The following TEAD1 variants were observed in gnomAD, a reference collection of about 807,000 sequenced individuals.
TEAD1 encodes TEA domain transcription factor 1.
TEAD1 carries 9 observed loss-of-function variants against 54.9 expected under a neutral mutation model. The observed-to-expected ratio is 0.16, with a 90% CI of 0.10 to 0.29. The LOEUF is 0.29. TEAD1 is among the 10% of genes least tolerant of loss of function. The pLI, the probability that TEAD1 is intolerant of heterozygous loss-of-function variation, is 1.00. For missense variants in TEAD1, 387 were observed against 535.9 expected (o/e 0.72, Z 2.74); for synonymous variants, 200 against 187.8 (o/e 1.07, Z -0.53).
chr11:12,743,758 T>A (rs1944691718), intron 2 of TEAD1, among the ~76,000 whole-genome samples: 2 of 152,196 alleles, frequency 1.3e-5, no homozygotes, highest in South Asian at 4.1e-4. Context: ...AGGTTACCCA[T>A]GAACGGGGTG....
intron 3 of TEAD1, among the ~76,000 whole-genome samples, chr11:12,837,257 C>G (rs1946911774): frequency 6.6e-6 from 1 of 151,830 alleles, no homozygotes; most frequent in South Asian, 2.1e-4. Context: ...CCCTCATACT[C>G]TTTGGCTGTG....
chr11:12,682,549 T>A (rs543148651), intron 2 of TEAD1, among the ~76,000 whole-genome samples: 42 of 152,306 alleles, frequency 2.8e-4, no homozygotes, highest in African/African-American at 9.6e-4. Flanking sequence ...AGGGTAATCC[T>A]GACGGCTTTC....
chr11:12,893,295 C>T (rs1948236911), intron 9 of TEAD1, among the ~76,000 whole-genome samples: 1 of 152,062 alleles, frequency 6.6e-6, no homozygotes, highest in Non-Finnish European at 1.5e-5. Context: ...TGGAGTGTCT[C>T]CCGGGGAAGG....
intron 2 of TEAD1, among the ~76,000 whole-genome samples, chr11:12,711,185 C>T (rs941986740): frequency 1.3e-5 from 2 of 152,064 alleles, no homozygotes; most frequent in African/African-American, 4.8e-5. Flanking sequence ...AGGGTAGTCA[C>T]TGGGGAGGCC....
At chr11:12,824,681 G>A (rs1946615326) in intron 3 of TEAD1, among the ~76,000 whole-genome samples, 1 of 152,172 alleles carries the variant, frequency 6.6e-6, no homozygotes, top group Non-Finnish European at 1.5e-5. Flanking sequence ...GCTGGGTGAT[G>A]GGGGTGAGGG....
Position 12,798,075 on chromosome 11 carries a change from C to T in TEAD1, c.202+33641C>T, listed in dbSNP as rs569321684. 6.6e-5 allele frequency among the ~76,000 whole-genome samples: 10 copies of T among 152,294 alleles called. No homozygotes were observed. The South Asian group carries it at 2.1e-3, about 32-fold the overall frequency. On this transcript the variant is annotated intron_variant, in intron 3 of 12. Coordinates refer to ENST00000527636, the MANE Select transcript of TEAD1 (RefSeq NM_021961.6). ...TAACATATCAACTCTACCTGTATTT[C>T]CACTTTTATGTTGCAGTACTGCCCT...
At chr11:12,679,874 C>G (rs932604771) in intron 2 of TEAD1, among the ~76,000 whole-genome samples, 9 of 152,010 alleles carry the variant, frequency 5.9e-5, no homozygotes, top group African/African-American at 2.2e-4. Context: ...TCAATAGATC[C>G]GAATATTAAG....
chr11:12,849,829 A>T (rs1349111856), intron 3 of TEAD1, among the ~76,000 whole-genome samples: 1 of 152,202 alleles, frequency 6.6e-6, no homozygotes, highest in East Asian at 1.9e-4. Context: ...TGGAGAATCT[A>T]TTTCAAATTA....
intron 3 of TEAD1, chr11:12,850,920 G>C (rs1947260429): frequency 4.3e-6 from 1 of 233,978 alleles, no homozygotes; most frequent in African/African-American, 2.3e-5. Context: ...AGCATGCATT[G>C]GTCATAAGAG....
In TEAD1 at chr11:12,902,061, A is replaced by G; in HGVS notation, c.821A>G (p.Lys274Arg). The change falls in exon 10 of 13, where the codon AAG becomes AGG. Residue 274 changes from lysine (K) to arginine (R), a missense_variant. Physicochemically the swap from Lys to Arg is conservative, Grantham distance 26. Transcript: ENST00000527636. ...TTTCCTGAAAAGAAAGGTGGCTTAA[A>G]GGAACTGTTTGGAAAGGGCCCTCAA... is the stretch of plus-strand genomic sequence containing the variant. 6.2e-7 allele frequency: 1 copy of G among 1,614,258 alleles called. No individual in the cohort carries two copies. The highest frequency in any genetic ancestry group is 1.6e-4 in the Middle Eastern group (1 of 6,062).
At chr11:12,810,148 T>C (rs1946270060) in intron 3 of TEAD1, among the ~76,000 whole-genome samples, 1 of 151,924 alleles carries the variant, frequency 6.6e-6, no homozygotes, top group Non-Finnish European at 1.5e-5. Flanking sequence ...GCCTGGCTAA[T>C]TTTTGTATAT....
chr11:12,812,724 A>G (rs1946330600), intron 3 of TEAD1, among the ~76,000 whole-genome samples: 1 of 152,184 alleles, frequency 6.6e-6, no homozygotes, highest in East Asian at 1.9e-4. Context: ...ATGTGAATCC[A>G]CTACATCCAG....
At chr11:12,681,698 A>G (rs1564905161) in intron 2 of TEAD1, among the ~76,000 whole-genome samples, 1 of 152,346 alleles carries the variant, frequency 6.6e-6, no homozygotes, top group East Asian at 1.9e-4. Flanking sequence ...CATTCACCAA[A>G]TACTTGTGTC....
At chr11:12,885,142 G>C (rs553875709) in intron 9 of TEAD1, among the ~76,000 whole-genome samples, 2 of 151,966 alleles carry the variant, frequency 1.3e-5, no homozygotes, top group East Asian at 3.9e-4. Flanking sequence ...AGATTAAACA[G>C]AAGGAAACAG....
At position 12,917,387 on chromosome 11, in the gene TEAD1, G is replaced by GGCT. The variant is rs556690729; in HGVS notation, c.874-7525_874-7524insGCT. 2.5e-3 allele frequency among the ~76,000 whole-genome samples: 376 copies of GGCT among 152,280 alleles called. 1 individual carries two copies. Among genetic ancestry groups the GGCT allele is most frequent in the African/African-American group, 8.7e-3 (361 of 41,560 alleles). On this transcript the variant is annotated intron_variant, in intron 10 of 12. Transcript: ENST00000527636. ...CCTTGATCTTAGCCAGCCTGGAGCT[G>GGCT]AATTAAATTTCTGACCTACAGGAAT...
chr11:12,832,382 C>T (rs1345413010), intron 3 of TEAD1, among the ~76,000 whole-genome samples: 1 of 152,196 alleles, frequency 6.6e-6, no homozygotes, highest in East Asian at 1.9e-4. Context: ...GATAAATTGT[C>T]CTCAAAGCTA....
chr11:12,737,485 A>T (rs1209867336), intron 2 of TEAD1, among the ~76,000 whole-genome samples: 1 of 152,164 alleles, frequency 6.6e-6, no homozygotes, highest in Admixed American at 6.5e-5. Context: ...TGTGTCCTCT[A>T]CTTACAACTG....
At chr11:12,775,485 A>G (rs1474051257) in intron 3 of TEAD1, among the ~76,000 whole-genome samples, 1 of 152,118 alleles carries the variant, frequency 6.6e-6, no homozygotes, top group Admixed American at 6.5e-5. Context: ...CTTCCATTTT[A>G]CGTGAAAGCG....
intron 9 of TEAD1, among the ~76,000 whole-genome samples, chr11:12,896,191 T>A (rs1677447582): frequency 6.6e-6 from 1 of 152,242 alleles, no homozygotes; most frequent in Admixed American, 6.5e-5. Context: ...TTTACATAGC[T>A]ACACCAATTC....
Sources: gnomAD v4.1 joint callset for allele counts (sites outside exome capture counted in the v4.1 genomes callset) on GRCh38, gnomAD v4.1.1 for gene constraint, MANE v1.5 for transcripts, NCBI Gene and HGNC (gene_info 2026-07-23, HGNC 2026-07-21) for gene names.